The following KCNH3 variants were observed in gnomAD, a reference collection of about 807,000 sequenced individuals.
KCNH3 encodes the protein potassium voltage-gated channel subfamily H member 3.
Under a neutral mutation model 95.6 loss-of-function variants are expected in KCNH3, and 36 were observed. The observed-to-expected ratio is 0.38, with a 90% CI of 0.29 to 0.50. The LOEUF is 0.50. KCNH3 is among the 20% of genes least tolerant of loss of function. The probability of loss-of-function intolerance (pLI) is 0.95; values close to 1 mark genes in which losing one functional copy is unlikely to be tolerated. For synonymous variants in KCNH3, 620 were observed against 646.3 expected (o/e 0.96, Z 0.62); for missense variants, 1,030 against 1,484.1 (o/e 0.69, Z 5.03).
In KCNH3 at chr12:49,556,436, G is replaced by A. The variant is rs913046709; in HGVS notation, c.2535G>A (p.Gln845=). ...CCAAGTTCTCTTTCCGCGTGGGCCA[G>A]TCTGGCCCGGAATGTAGCAGCAGCC... The part of the protein sequence containing the change: ...DQPKFSFRVG[Q]SGPECSSSPS... Residue 845 remains glutamine, a synonymous_variant, in exon 13 of 15, where the codon CAG becomes CAA. Transcript: ENST00000257981. 3.7e-6 allele frequency: 6 copies of A among 1,614,086 alleles called. No homozygotes were observed. The highest frequency in any genetic ancestry group is 1.7e-5 in the Admixed American group (1 of 60,028).
At chr12:49,541,225 A>G in intron 2 of KCNH3, 93 bp downstream of exon 2, 1 of 886,324 alleles carries the variant, frequency 1.1e-6, no homozygotes. Flanking sequence ...TTCTGTTGCC[A>G]TCTTCTCCAT....
At chr12:49,544,150 C>CA in intron 6 of KCNH3, 25 bp from the exon 7 acceptor site, 1 of 690,468 alleles carries the variant, frequency 1.4e-6, no homozygotes, top group Non-Finnish European at 2.5e-6. Flanking sequence ...CTCCCTCCCT[C>CA]CCTCCCTCCC....
Position 49,541,753 on chromosome 12 carries a change from G to A in KCNH3, c.434G>A (p.Trp145Ter). Residue 145 changes from tryptophan (W) to a stop codon, truncating the protein, a stop_gained, in exon 3 of 15, where the codon TGG becomes TAG. Coordinates refer to ENST00000257981, the MANE Select transcript of KCNH3 (RefSeq NM_012284.3). LOFTEE classifies it high-confidence loss of function. Reference sequence around the variant, plus strand: ...AAGAACCGAGGGGGCCCCGACAGATGGAAGGAGACAGGTAGGTGCATGTAG... The same window carrying A: ...AAGAACCGAGGGGGCCCCGACAGATAGAAGGAGACAGGTAGGTGCATGTAG... ...ETKNRGGPDR[W>*]KETGGGRRRY... 6.2e-7 allele frequency: 1 copy of A among 1,614,124 alleles called. No homozygotes were observed. The highest frequency in any genetic ancestry group is 8.5e-7 in the Non-Finnish European group (1 of 1,180,010).
chr12:49,553,376 A>C (rs1938328515), intron 10 of KCNH3, among the ~76,000 whole-genome samples: 1 of 152,034 alleles, frequency 6.6e-6, no homozygotes, highest in African/African-American at 2.4e-5. Flanking sequence ...CAAACTCCTG[A>C]GCTCAAGCGA....
chr12:49,540,874 T>A (rs1343290396), intron 1 of KCNH3, 25 bp from the exon 2 acceptor site: 1 of 1,598,352 alleles, frequency 6.3e-7, no homozygotes, highest in Non-Finnish European at 8.6e-7. Context: ...ACCCCACGCC[T>A]CCTCTGAGAA....
intron 8 of KCNH3, 112 bp downstream of exon 8, chr12:49,549,285 GCCGCGGAAC>G: frequency 6.8e-7 from 1 of 1,465,154 alleles, no homozygotes. Context: ...GCTTTAGGTG[GCCGCGGAAC>G]CCGAGGCCGG....
chr12:49,548,096 G>T (rs59960493), intron 7 of KCNH3, among the ~76,000 whole-genome samples: 2 of 40,524 alleles, frequency 4.9e-5, no homozygotes, highest in Non-Finnish European at 7.9e-5. Context: ...CTGTGACTAC[G>T]TGTGTGTGTG....
chr12:49,549,509 C>T lies in KCNH3; in HGVS notation c.1537C>T (p.Leu513=), dbSNP rs761165490. 1.4e-5 allele frequency: 23 copies of T among 1,613,676 alleles called. No homozygotes were observed. Among genetic ancestry groups the T allele is most frequent in the Admixed American group, 8.3e-5 (5 of 60,012 alleles). ...IIQRMYARRF[L]YHSRTRDLRD... ...CCAGCGCATGTACGCCCGCCGCTTT[C>T]TGTACCACAGCCGCACGCGCGACCT... The change falls in exon 9 of 15, where the codon CTG becomes TTG. Residue 513 remains leucine, a synonymous_variant. Transcript: ENST00000257981.
Position 49,557,462 on chromosome 12 carries a change from G to A in KCNH3, c.2761G>A (p.Ala921Thr). The change falls in exon 15 of 15, where the codon GCA (alanine) becomes ACA (threonine). Residue 921 changes from alanine to threonine, a missense_variant. This residue lies in a region of KCNH3 where 464 missense variants were observed against 493.2 expected (regional missense o/e 0.94). Transcript: ENST00000257981. ...APHREGPCPR[A>T]SGEGPCPAST... ...CCACAGGGAGGGTCCGTGCCCTCGG[G>A]CATCGGGAGAGGGGCCGTGCCCAGC... is the stretch of plus-strand genomic sequence containing the variant. The A allele has an allele frequency of 6.2e-7, 1 of 1,611,070 alleles. No homozygotes were observed. The highest frequency in any genetic ancestry group is 1.1e-5 in the South Asian group (1 of 90,898).
At chr12:49,555,299 AAAATGAGCCGGGTGTGGTGG>A (rs1938397080) in intron 11 of KCNH3, among the ~76,000 whole-genome samples, 1 of 151,494 alleles carries the variant, frequency 6.6e-6, no homozygotes, top group Non-Finnish European at 1.5e-5. Flanking sequence ...AAAAAAAAAA[AAAATGAGCCGGGTGTGGTGG>A]CGGGCGCCTG....
intron 6 of KCNH3, 50 bp from the exon 7 acceptor site, chr12:49,544,125 G>C: frequency 6.2e-7 from 1 of 1,604,510 alleles, no homozygotes; most frequent in Admixed American, 1.7e-5. Context: ...GGACAGGCAG[G>C]GCCGGCCCGC....
chr12:49,548,588 C>T lies in KCNH3; in HGVS notation c.1190-307C>T, dbSNP rs574174153. Among the ~76,000 whole-genome samples the T allele has an allele frequency of 7.2e-4, 110 of 152,290 alleles. 1 individual carries two copies. The highest frequency in any genetic ancestry group is 4.6e-4 in the Admixed American group (7 of 15,300). The stretch of plus-strand genomic sequence containing the variant: ...GCTGTGGTTGAATGCAGTGAGCACC[C>T]CAGTCCTTTTGCCCACGCCAGCCAG... On this transcript the variant is annotated intron_variant, in intron 7 of 14. Transcript: ENST00000257981.
chr12:49,557,466 C>T lies in KCNH3; in HGVS notation c.2765C>T (p.Ser922Leu), dbSNP rs777676341. ...AGGGAGGGTCCGTGCCCTCGGGCAT[C>T]GGGAGAGGGGCCGTGCCCAGCCAGC... ...PHREGPCPRASGEGPCPASTS... is the reference protein window; with the variant it reads ...PHREGPCPRALGEGPCPASTS... Residue 922 changes from serine to leucine, a missense_variant, in exon 15 of 15, where the codon TCG becomes TTG. Ser to Leu is a moderately radical substitution (Grantham distance 145). Around this residue, in one of 9 missense-constraint regions of KCNH3, gnomAD observed 464 missense variants for 493.2 expected, o/e 0.94. Coordinates refer to ENST00000257981, the MANE Select transcript of KCNH3 (RefSeq NM_012284.3). 17 of 1,610,716 alleles carry T rather than the reference C, an allele frequency of 1.1e-5. No homozygotes were observed. The highest frequency in any genetic ancestry group is 4.0e-5 in the African/African-American group (3 of 74,900).
intron 10 of KCNH3, among the ~76,000 whole-genome samples, chr12:49,553,547 G>A (rs1368804790): frequency 6.6e-6 from 1 of 152,184 alleles, no homozygotes; most frequent in African/African-American, 2.4e-5. Context: ...GCCTCAACAT[G>A]TCCCTGGACA....
chr12:49,548,776 G>A (rs1938154086), intron 7 of KCNH3, 119 bp from the exon 8 acceptor site: 2 of 1,058,120 alleles, frequency 1.9e-6, no homozygotes, highest in Non-Finnish European at 2.7e-6. Flanking sequence ...TGGCAGTGAA[G>A]GGGCAAAGCG....
intron 7 of KCNH3, among the ~76,000 whole-genome samples, chr12:49,548,139 C>T (rs934310753): frequency 7.1e-6 from 1 of 141,390 alleles, no homozygotes; most frequent in East Asian, 2.0e-4. Flanking sequence ...TGTGTGCGCG[C>T]GCACCTGTGT....
At chr12:49,543,631 T>C in intron 5 of KCNH3, 113 bp downstream of exon 5, 1 of 1,388,952 alleles carries the variant, frequency 7.2e-7, no homozygotes. Flanking sequence ...TCTCTCTCAT[T>C]TGTAACCTGT....
rs144397719 is a variant in KCNH3 at position 49,557,745 on chromosome 12, C to T, written c.3044C>T (p.Pro1015Leu). 0.028 allele frequency: 44,766 copies of T among 1,613,362 alleles called. 808 individuals are homozygous for T. The highest frequency in any genetic ancestry group is 0.032 in the Non-Finnish European group (37,607 of 1,179,788). Reference protein sequence around the residue: ...SGDLCSEPSTPASPPPSEEGA... With the variant: ...SGDLCSEPSTLASPPPSEEGA... ...GACCTCTGCTCTGAGCCCAGCACCC[C>T]TGCCTCCCCTCCTCCTTCTGAGGAA... The change falls in exon 15 of 15, where the codon CCT becomes CTT. Residue 1015 changes from proline to leucine, a missense_variant. Transcript: ENST00000257981.
rs1208705260 is a variant in KCNH3, at chr12:49,539,665, A to C, written c.76+173A>C. Among the ~76,000 whole-genome samples the C allele has an allele frequency of 6.6e-6, 1 of 152,038 alleles. No individual in the cohort carries two copies. Among genetic ancestry groups the C allele is most frequent in the East Asian group, 1.9e-4 (1 of 5,156 alleles). ...TCTCCTGCTAGGCGCTGTTTCCCCG[A>C]AGGTTCGAAGGTTCGGGGTCAACAC... On this transcript the variant is annotated intron_variant, in intron 1 of 14. Transcript: ENST00000257981. This position sits in a 1 kb window ranked among gnomAD's most constrained non-coding sequence, Gnocchi z 6.7.
Sources: gnomAD v4.1 joint callset for allele counts (sites outside exome capture counted in the v4.1 genomes callset) on GRCh38, gnomAD v4.1.1 for gene constraint, gnomAD v4.1.1 regional missense constraint, Gnocchi (gnomAD v3.1) non-coding constraint, MANE v1.5 for transcripts, NCBI Gene and HGNC (gene_info 2026-07-23, HGNC 2026-07-21) for gene names.